Variants in PLPP4 observed in about 807,000 individuals in gnomAD.
The protein encoded by PLPP4 is diacylglycerol pyrophosphate like 2.
In PLPP4, 20 loss-of-function variants were observed where a neutral mutation model predicts 32.2. That is an observed-to-expected ratio of 0.62 (90% CI 0.44 to 0.90). The LOEUF (loss-of-function observed/expected upper bound fraction) is 0.90. Among genes scored for constraint, PLPP4 ranks in the 40% least tolerant of loss-of-function variants. The pLI is 0.00. For synonymous variants in PLPP4, 127 were observed against 133.0 expected (o/e 0.95, Z 0.31); for missense variants, 257 against 353.1 (o/e 0.73, Z 2.18).
intron 6 of PLPP4, among the ~76,000 whole-genome samples, chr10:120,585,465 A>G (rs1849709073): frequency 6.6e-6 from 1 of 152,256 alleles, no homozygotes; most frequent in African/African-American, 2.4e-5. Context: ...AGAATGAGAA[A>G]GCCTCCGGCA....
intron 5 of PLPP4, among the ~76,000 whole-genome samples, chr10:120,538,050 C>CTGTGTGTG (rs1564825186): frequency 1.6e-3 from 31 of 19,800 alleles, no homozygotes; most frequent in East Asian, 2.0e-3. Flanking sequence ...CTCTCTCTCT[C>CTGTGTGTG]TCTGTGTGTG....
At chr10:120,527,090 A>G (rs916951966) in intron 5 of PLPP4, among the ~76,000 whole-genome samples, 1 of 149,250 alleles carries the variant, frequency 6.7e-6, no homozygotes, top group Middle Eastern at 3.4e-3. Context: ...CTGTCTGTCT[A>G]CCTATCTGTC....
chr10:120,539,902 G>A (rs1312946572), intron 5 of PLPP4, among the ~76,000 whole-genome samples: 1 of 151,460 alleles, frequency 6.6e-6, no homozygotes, highest in African/African-American at 2.4e-5. Context: ...TTACTTTTGT[G>A]CCTACCTAAT....
At chr10:120,511,147 T>G (rs1049361242) in intron 2 of PLPP4, among the ~76,000 whole-genome samples, 3 of 152,176 alleles carry the variant, frequency 2.0e-5, no homozygotes, top group African/African-American at 7.2e-5. Context: ...AAGTCCAGCC[T>G]TGTTGGGGAA....
chr10:120,458,742 TCTC>T (rs1369433110), intron 1 of PLPP4, among the ~76,000 whole-genome samples: 13 of 152,186 alleles, frequency 8.5e-5, no homozygotes, highest in Admixed American at 7.9e-4. Flanking sequence ...ACTCTTCCCT[TCTC>T]CTACTCTATT....
Position 120,481,321 on chromosome 10 carries a change from G to T in PLPP4, c.57-22497G>T, listed in dbSNP as rs142631147. ...ATGTGCAGGCTGTCATGGATGGAGG[G>T]TGTGGACTATTTTGAGGGGCTTCAG... On this transcript the variant is annotated intron_variant, in intron 1 of 6. Coordinates refer to ENST00000398250, the MANE Select transcript of PLPP4 (RefSeq NM_001030059.3). Among the ~76,000 whole-genome samples the T allele has an allele frequency of 1.8e-3, 267 of 152,296 alleles. 1 individual carries two copies. Among genetic ancestry groups the T allele is most frequent in the African/African-American group, 6.2e-3 (256 of 41,570 alleles).
At chr10:120,470,130 T>C (rs1848453639) in intron 1 of PLPP4, among the ~76,000 whole-genome samples, 1 of 152,338 alleles carries the variant, frequency 6.6e-6, no homozygotes, top group South Asian at 2.1e-4. Flanking sequence ...CTTGCCGATG[T>C]TGGATGTTTT....
intron 1 of PLPP4, among the ~76,000 whole-genome samples, chr10:120,471,947 C>T (rs557579073): frequency 6.6e-6 from 1 of 152,050 alleles, no homozygotes; most frequent in South Asian, 2.1e-4. Context: ...TTACTTATTA[C>T]CATCATCTTC....
chr10:120,520,951 G>A lies in PLPP4; in HGVS notation c.321-20G>A, dbSNP rs560206730. The stretch of plus-strand genomic sequence containing the variant: ...GATGGCAGCATTTTATATTGAAAAT[G>A]TCCATGGTGTCTTTTGTAGACCTCG... On this transcript the variant is annotated intron_variant, in intron 4 of 6. Coordinates refer to ENST00000398250, the MANE Select transcript of PLPP4 (RefSeq NM_001030059.3). The A allele has an allele frequency of 1.2e-6, 2 of 1,613,950 alleles. No homozygotes were observed. Among genetic ancestry groups the A allele is most frequent in the East Asian group, 2.2e-5 (1 of 44,872 alleles).
chr10:120,581,938 C>T (rs1277247397), intron 6 of PLPP4, among the ~76,000 whole-genome samples: 2 of 152,172 alleles, frequency 1.3e-5, no homozygotes, highest in African/African-American at 4.8e-5. Context: ...ATATCTTAGG[C>T]TGTATGTGGC....
intron 5 of PLPP4, among the ~76,000 whole-genome samples, chr10:120,538,552 C>A (rs1470838453): frequency 6.6e-6 from 1 of 152,076 alleles, no homozygotes; most frequent in Non-Finnish European, 1.5e-5. Flanking sequence ...TCAGGTCACT[C>A]CTCAGCTTGA....
rs200454862 is a variant in PLPP4 at position 120,589,411 on chromosome 10, G to A, written c.725G>A (p.Arg242Gln). The A allele has an allele frequency of 3.0e-4, 483 of 1,614,062 alleles. 1 individual carries two copies. In the African/African-American group the frequency reaches 5.4e-3, roughly 18 times the overall value. ...TACHKPYVSL[R>Q]VPASLKKEER... ...TGCCATAAACCCTACGTTAGTCTGC[G>A]AGTCCCAGCCTCACTGAAGAAAGAG... Residue 242 changes from arginine to glutamine, a missense_variant, in exon 7 of 7, where the codon CGA (arginine) becomes CAA (glutamine). Physicochemically the swap from Arg to Gln is conservative, Grantham distance 43 (BLOSUM62 1). Coordinates refer to ENST00000398250, the MANE Select transcript of PLPP4 (RefSeq NM_001030059.3).
chr10:120,581,625 C>G (rs1849517047), intron 6 of PLPP4, among the ~76,000 whole-genome samples: 1 of 152,200 alleles, frequency 6.6e-6, no homozygotes, highest in African/African-American at 2.4e-5. Context: ...ACTCCTTGAA[C>G]AGGCCCGTCC....
At chr10:120,581,010 G>T in intron 6 of PLPP4, 1 of 1,289,352 alleles carries the variant, frequency 7.8e-7, no homozygotes. Flanking sequence ...ACCCGCCTCT[G>T]TGTTGGTGCC....
chr10:120,516,723 C>T (rs924813781), intron 3 of PLPP4, among the ~76,000 whole-genome samples: 2 of 152,190 alleles, frequency 1.3e-5, no homozygotes, highest in African/African-American at 4.8e-5. Flanking sequence ...GAATCAGACC[C>T]ACTGGGTTAT....
chr10:120,496,634 C>A (rs912861828), intron 1 of PLPP4, among the ~76,000 whole-genome samples: 1 of 152,212 alleles, frequency 6.6e-6, no homozygotes, highest in Admixed American at 6.5e-5. Context: ...AATCTGTAAT[C>A]TCCATAAGAG....
rs1317563465 is a variant in PLPP4 at position 120,489,461 on chromosome 10, T to A, written c.57-14357T>A. The stretch of plus-strand genomic sequence containing the variant: ...CTCCCCAGACGAGCTAGCAGCCAGT[T>A]TGAGCAGCCATGAGAGGTGGTGTGA... On this transcript the variant is annotated intron_variant, in intron 1 of 6. Transcript: ENST00000398250. Among the ~76,000 whole-genome samples, 8 of 152,156 alleles carry A rather than the reference T, an allele frequency of 5.3e-5. No individual in the cohort carries two copies. In the East Asian group the frequency reaches 1.5e-3, roughly 29 times the overall value.
At chr10:120,494,283 C>G (rs1046139359) in intron 1 of PLPP4, among the ~76,000 whole-genome samples, 1 of 152,130 alleles carries the variant, frequency 6.6e-6, no homozygotes, top group Non-Finnish European at 1.5e-5. Flanking sequence ...TCATTTAATC[C>G]TTACACCAAC....
At chr10:120,507,085 C>T (rs1244340101) in intron 2 of PLPP4, among the ~76,000 whole-genome samples, 1 of 152,104 alleles carries the variant, frequency 6.6e-6, no homozygotes, top group East Asian at 1.9e-4. Context: ...ACAACTTAAT[C>T]GGTATTAGTT....
Sources: allele counts gnomAD v4.1 joint callset (sites outside exome capture counted in the v4.1 genomes callset), GRCh38; gene constraint gnomAD v4.1.1; transcripts MANE v1.5; gene names NCBI Gene and HGNC (gene_info 2026-07-23, HGNC 2026-07-21).